Variants in FNBP1L observed in about 807,000 individuals in gnomAD.
The protein encoded by FNBP1L is formin-binding protein 1-like.
In FNBP1L, 36 loss-of-function variants were observed where a neutral mutation model predicts 91.2. The observed-to-expected ratio is 0.39, with a 90% CI of 0.30 to 0.52. The LOEUF is 0.52. Among genes scored for constraint, FNBP1L ranks in the 20% least tolerant of loss-of-function variants. FNBP1L has a pLI of 0.66. For missense variants in FNBP1L, 571 were observed against 732.1 expected (o/e 0.78, Z 2.54); for synonymous variants, 242 against 237.0 (o/e 1.02, Z -0.19).
intron 5 of FNBP1L, among the ~76,000 whole-genome samples, chr1:93,526,937 C>T (rs887694963): frequency 2.0e-5 from 3 of 152,132 alleles, no homozygotes; most frequent in African/African-American, 7.2e-5. Context: ...TTGGAAAACA[C>T]AGCTCTGAAC....
At chr1:93,486,430 G>A (rs1216725260) in intron 1 of FNBP1L, among the ~76,000 whole-genome samples, 2 of 151,386 alleles carry the variant, frequency 1.3e-5, no homozygotes, top group East Asian at 3.9e-4. Flanking sequence ...GGTAAAATAT[G>A]GCTCTGTAGC....
At chr1:93,530,689 A>G in intron 6 of FNBP1L, 66 bp from the exon 7 acceptor site, 1 of 1,529,800 alleles carries the variant, frequency 6.5e-7, no homozygotes, top group Non-Finnish European at 8.8e-7. Context: ...GTTTTAGTAT[A>G]ATTTTCAAAA....
intron 15 of FNBP1L, 25 bp from the exon 16 acceptor site, chr1:93,550,922 T>C (rs1433478505): frequency 6.6e-7 from 1 of 1,512,482 alleles, no homozygotes; most frequent in Non-Finnish European, 8.9e-7. Flanking sequence ...ATGCTTAAAT[T>C]ATGCTTGTGA....
chr1:93,473,219 A>G (rs1327427881), intron 1 of FNBP1L, among the ~76,000 whole-genome samples: 5 of 152,060 alleles, frequency 3.3e-5, no homozygotes, highest in African/African-American at 1.2e-4. Context: ...GTGATTTTGA[A>G]CCATTTTATT....
At chr1:93,503,450 CA>C (rs1670503428) in intron 2 of FNBP1L, among the ~76,000 whole-genome samples, 1 of 152,136 alleles carries the variant, frequency 6.6e-6, no homozygotes, top group Non-Finnish European at 1.5e-5. Context: ...TGATGTTAAG[CA>C]ATTACATTTT....
chr1:93,468,449 G>A (rs1669167650), intron 1 of FNBP1L, among the ~76,000 whole-genome samples: 1 of 152,070 alleles, frequency 6.6e-6, no homozygotes, highest in Non-Finnish European at 1.5e-5. Flanking sequence ...GTGTTTCTTG[G>A]AGACAGGGTC....
chr1:93,470,370 A>G (rs1669243930), intron 1 of FNBP1L, among the ~76,000 whole-genome samples: 1 of 152,162 alleles, frequency 6.6e-6, no homozygotes, highest in Non-Finnish European at 1.5e-5. Flanking sequence ...TCAAGCAGTC[A>G]TTCTGCCTTG....
At chr1:93,516,603 G>A (rs1366408957) in intron 2 of FNBP1L, among the ~76,000 whole-genome samples, 1 of 152,068 alleles carries the variant, frequency 6.6e-6, no homozygotes, top group African/African-American at 2.4e-5. Context: ...AGGAGTTTGA[G>A]ATCGGCCTGA....
chr1:93,449,831 A>G (rs1668426183), intron 1 of FNBP1L, among the ~76,000 whole-genome samples: 1 of 152,210 alleles, frequency 6.6e-6, no homozygotes, highest in Non-Finnish European at 1.5e-5. Flanking sequence ...CACTTTGTGC[A>G]TTCTATAATT....
Position 93,523,456 on chromosome 1 carries a change from A to G in FNBP1L, c.307A>G (p.Arg103Gly). 6.2e-7 allele frequency: 1 copy of G among 1,609,448 alleles called. No individual in the cohort carries two copies. Among genetic ancestry groups the G allele is most frequent in the South Asian group, 1.1e-5 (1 of 89,916 alleles). The change falls in exon 4 of 17, where the codon AGA (arginine) becomes GGA (glycine). Residue 103 changes from arginine (R) to glycine (G), a missense_variant. Arg to Gly is a moderately radical substitution (Grantham distance 125). This residue lies in a region of FNBP1L where 220 missense variants were observed against 313.6 expected (regional missense o/e 0.70). Coordinates refer to ENST00000271234, the MANE Select transcript of FNBP1L (RefSeq NM_001164473.3). ...GCACAGAGTGTATGGTGAATTAATG[A>G]GATATGCTCATGATCTGAAAACTGA... ...MAHRVYGELM[R>G]YAHDLKTERK... is the part of the protein sequence containing the mutation.
intron 10 of FNBP1L, among the ~76,000 whole-genome samples, chr1:93,538,173 C>G (rs200335478): frequency 6.7e-6 from 1 of 149,868 alleles, no homozygotes; most frequent in East Asian, 2.0e-4. Context: ...CATAGAGATG[C>G]GAGGTAAGTG....
intron 1 of FNBP1L, among the ~76,000 whole-genome samples, chr1:93,470,532 A>G (rs1192053745): frequency 6.6e-6 from 1 of 152,178 alleles, no homozygotes; most frequent in Non-Finnish European, 1.5e-5. Context: ...TTGTATAAGT[A>G]GAAAGCTTTC....
chr1:93,550,917 TA>T (rs1327449537), intron 15 of FNBP1L, 29 bp from the exon 16 acceptor site: 3 of 1,502,484 alleles, frequency 2.0e-6, no homozygotes, highest in African/African-American at 1.4e-5. Context: ...TCACAATGCT[TA>T]AATTATGCTT....
At position 93,499,533 on chromosome 1, in the gene FNBP1L, A is replaced by G. The variant is rs748933335; in HGVS notation, c.90A>G (p.Lys30=). 3.1e-6 allele frequency: 5 copies of G among 1,605,228 alleles called. No homozygotes were observed. The highest frequency in any genetic ancestry group is 4.3e-6 in the Non-Finnish European group (5 of 1,176,134). The change falls in exon 2 of 17, where the codon AAA becomes AAG. Residue 30 remains lysine, a synonymous_variant. Transcript: ENST00000271234. ...TTGACTTCTTGGAAAGATATGCCAA[A>G]TTTGTTAAAGAGAGGATAGAAATTG... is the stretch of plus-strand genomic sequence containing the variant. The part of the protein sequence containing the change: ...WGIDFLERYA[K]FVKERIEIEQ...
At chr1:93,539,168 T>A (rs1226434549) in intron 10 of FNBP1L, among the ~76,000 whole-genome samples, 1 of 152,094 alleles carries the variant, frequency 6.6e-6, no homozygotes, top group African/African-American at 2.4e-5. Flanking sequence ...TATGACTTTA[T>A]AGACTTTCAG....
chr1:93,456,107 A>T (rs1668649196), intron 1 of FNBP1L, among the ~76,000 whole-genome samples: 1 of 152,222 alleles, frequency 6.6e-6, no homozygotes, highest in Admixed American at 6.5e-5. Context: ...CTCCAAGGAA[A>T]AATAATGTCT....
intron 5 of FNBP1L, among the ~76,000 whole-genome samples, chr1:93,529,039 G>A (rs1237212480): frequency 2.6e-5 from 4 of 151,918 alleles, no homozygotes; most frequent in Non-Finnish European, 2.9e-5. Context: ...TTCTTCGTGG[G>A]ACACCTGGAA....
intron 1 of FNBP1L, among the ~76,000 whole-genome samples, chr1:93,465,284 A>T (rs909622473): frequency 2.0e-5 from 3 of 151,872 alleles, no homozygotes; most frequent in African/African-American, 7.3e-5. Flanking sequence ...TGCATGTGCC[A>T]TGTTGGTTTG....
intron 1 of FNBP1L, among the ~76,000 whole-genome samples, chr1:93,455,843 G>C (rs1347313319): frequency 1.3e-5 from 2 of 152,234 alleles, no homozygotes; most frequent in Non-Finnish European, 2.9e-5. Context: ...ATTGTCATCT[G>C]TGCCTTTCGG....
Sources: allele counts gnomAD v4.1 joint callset (sites outside exome capture counted in the v4.1 genomes callset), GRCh38; gene constraint gnomAD v4.1.1; regional missense constraint gnomAD v4.1.1; transcripts MANE v1.5; gene names NCBI Gene and HGNC (gene_info 2026-07-23, HGNC 2026-07-21).